Variants in DNAJB12 observed in about 807,000 individuals in gnomAD.
DNAJB12 encodes the protein DnaJ heat shock protein family (Hsp40) member B12.
A neutral mutation model predicts 40.6 loss-of-function variants in DNAJB12; 14 were observed. That is an observed-to-expected ratio of 0.34 (90% confidence interval 0.23 to 0.54). The LOEUF (loss-of-function observed/expected upper bound fraction) is 0.54, where lower values mean the gene tolerates loss of function less well. Ranked by LOEUF, DNAJB12 falls within the 20% of genes least tolerant of loss-of-function variation. The pLI, the probability that DNAJB12 is intolerant of heterozygous loss-of-function variation, is 0.92. For missense variants in DNAJB12, 444 were observed against 501.7 expected (o/e 0.89, Z 1.10); for synonymous variants, 181 against 199.5 (o/e 0.91, Z 0.78).
At chr10:72,346,961 G>GTT (rs1300875726) in intron 1 of DNAJB12, among the ~76,000 whole-genome samples, 12 of 142,254 alleles carry the variant, frequency 8.4e-5, no homozygotes, top group Non-Finnish European at 1.1e-4. Context: ...TTTACCATTG[G>GTT]TTTTTTTTTT....
intron 1 of DNAJB12, among the ~76,000 whole-genome samples, chr10:72,346,618 C>T (rs1042833297): frequency 5.9e-5 from 9 of 152,172 alleles, no homozygotes; most frequent in Admixed American, 5.2e-4. Context: ...AGCCACCGTG[C>T]CCGGCCTAAT....
chr10:72,353,536 T>G (rs987167863), intron 1 of DNAJB12: 5 of 152,268 alleles, frequency 3.3e-5, no homozygotes, highest in African/African-American at 1.2e-4. Flanking sequence ...CAATTTCATT[T>G]CTTTTCCTTC....
At position 72,334,523 on chromosome 10, in the gene DNAJB12, T is replaced by C. The variant is rs1486127889; in HGVS notation, c.*125A>G. ...TGCAGCGTTCGGCCTCCAATTCCATTTTAATTTTGTTTCTTTGTTTGTCTT... is the reference window on the plus strand; with the variant it reads ...TGCAGCGTTCGGCCTCCAATTCCATCTTAATTTTGTTTCTTTGTTTGTCTT... On this transcript the variant is annotated 3_prime_UTR_variant, in exon 9 of 9. Coordinates refer to ENST00000444643, the MANE Select transcript of DNAJB12 (RefSeq NM_017626.7). The C allele has an allele frequency of 3.4e-5, 52 of 1,522,508 alleles. No homozygotes were observed. Among genetic ancestry groups the C allele is most frequent in the African/African-American group, 4.1e-5 (3 of 72,780 alleles). The allele number at this position is 1,522,508 out of a possible 1,614,324, so 94.3% of individuals were successfully genotyped here. A position where few individuals can be genotyped will look rare whatever the true frequency, so the allele number is the denominator to read the frequency against.
chr10:72,335,560 G>A lies in DNAJB12; in HGVS notation c.*30+220C>T, dbSNP rs536255819. ...CACCCCTGGAGCCAGGGAGCAGAGC[G>A]GAGGAGTGGGGAGGACAGCATCGCT... On this transcript the variant is annotated intron_variant, in intron 8 of 8. Coordinates refer to ENST00000444643, the MANE Select transcript of DNAJB12 (RefSeq NM_017626.7). The surrounding 1 kb of genome is among the most constrained non-coding windows in gnomAD (Gnocchi z 4.4). 274 of 1,320,760 alleles carry A rather than the reference G, an allele frequency of 2.1e-4. 2 individuals are homozygous for A. The South Asian group carries it at 4.1e-3, about 20-fold the overall frequency. The allele number at this position is 1,320,760 out of a possible 1,614,324, so 81.8% of individuals were successfully genotyped here. A position where few individuals can be genotyped will look rare whatever the true frequency, so the allele number is the denominator to read the frequency against.
chr10:72,351,217 C>G (rs1431276718), intron 1 of DNAJB12, among the ~76,000 whole-genome samples: 1 of 152,202 alleles, frequency 6.6e-6, no homozygotes, highest in Non-Finnish European at 1.5e-5. Flanking sequence ...AGCTACTGGA[C>G]AGAAACTCCC....
intron 1 of DNAJB12, among the ~76,000 whole-genome samples, chr10:72,349,520 A>G (rs780056162): frequency 6.6e-6 from 1 of 152,204 alleles, no homozygotes; most frequent in Non-Finnish European, 1.5e-5. Flanking sequence ...AAGGCGGGGC[A>G]GGAGGAGGAG....
chr10:72,342,640 T>A (rs996403569), intron 3 of DNAJB12, among the ~76,000 whole-genome samples: 1 of 152,160 alleles, frequency 6.6e-6, no homozygotes, highest in Non-Finnish European at 1.5e-5. Context: ...TGGGGGCTAG[T>A]CACCATGCTA....
chr10:72,350,100 C>A (rs953513111), intron 1 of DNAJB12, among the ~76,000 whole-genome samples: 2 of 152,058 alleles, frequency 1.3e-5, no homozygotes, highest in Non-Finnish European at 2.9e-5. Context: ...AGCCACTGAA[C>A]CCAGACTAGA....
chr10:72,343,646 G>C (rs1861705039), intron 2 of DNAJB12, 135 bp from the exon 3 acceptor site: 1 of 922,458 alleles, frequency 1.1e-6, no homozygotes, highest in African/African-American at 1.7e-5. Context: ...CAGCTCCTTG[G>C]GTCAGCTGTG....
chr10:72,344,942 C>T lies in DNAJB12; in HGVS notation c.311+8G>A, dbSNP rs1211491459. 1.9e-6 allele frequency: 3 copies of T among 1,614,184 alleles called. No individual in the cohort carries two copies. The highest frequency in any genetic ancestry group is 3.3e-5 in the Admixed American group (2 of 60,034). On this transcript the variant is annotated splice_region_variant and intron_variant, in intron 2 of 8. Transcript: ENST00000444643. ...TCCCCAGGCTCCAGCCCCTGCCCAC[C>T]CATCTACCTTTTCACAGCTGCAACC...
chr10:72,336,447 C>T (rs912251165), intron 7 of DNAJB12, 77 bp downstream of exon 7: 45 of 1,450,980 alleles, frequency 3.1e-5, no homozygotes, highest in Non-Finnish European at 4.0e-5. Flanking sequence ...GTGAGCAGGG[C>T]TCTCTCCTTC....
rs1861484875 is a variant in DNAJB12 at position 72,336,632 on chromosome 10, T to C, written c.898A>G (p.Thr300Ala). 6.2e-7 allele frequency: 1 copy of C among 1,614,146 alleles called. No individual in the cohort carries two copies. The highest frequency in any genetic ancestry group is 2.2e-5 in the East Asian group (1 of 44,882). Residue 300 changes from threonine (T) to alanine (A), a missense_variant, in exon 7 of 9, where the codon ACT becomes GCT. By Grantham distance (58) the Thr-to-Ala change is moderately conservative. Coordinates refer to ENST00000444643, the MANE Select transcript of DNAJB12 (RefSeq NM_017626.7). ...GAGCCTGTGTACTCTTCGGAGAAAG[T>C]GTCTCCCACATAGTAGACGACACCC... ...HLGVVYYVGD[T>A]FSEEYTGSSL...
In DNAJB12 at chr10:72,340,731, C is replaced by G. The variant is rs1364642402; in HGVS notation, c.723+58G>C. 2.3e-5 allele frequency: 36 copies of G among 1,557,034 alleles called. No homozygotes were observed. The Admixed American group carries it at 4.0e-4, about 17-fold the overall frequency. On this transcript the variant is annotated intron_variant, in intron 5 of 8. Transcript: ENST00000444643. ...GAGGGAACACCCTCCTCCAAGCCCCCTCCCTGGGGTGGATTTGGTGCCCTT... is the reference window on the plus strand; with the variant it reads ...GAGGGAACACCCTCCTCCAAGCCCCGTCCCTGGGGTGGATTTGGTGCCCTT...
At chr10:72,346,604 T>C (rs1861794998) in intron 1 of DNAJB12, among the ~76,000 whole-genome samples, 1 of 151,446 alleles carries the variant, frequency 6.6e-6, no homozygotes, top group Non-Finnish European at 1.5e-5. Context: ...GGATTACAGG[T>C]GTGAGCCACC....
intron 8 of DNAJB12, 36 bp from the exon 9 acceptor site, chr10:72,334,653 C>T: frequency 6.6e-7 from 1 of 1,522,792 alleles, no homozygotes; most frequent in Non-Finnish European, 8.8e-7. Context: ...GCTCGGCATT[C>T]AGGCGGCACC....
intron 3 of DNAJB12, among the ~76,000 whole-genome samples, chr10:72,341,873 C>A (rs2131989193): frequency 6.6e-6 from 1 of 152,332 alleles, no homozygotes; most frequent in African/African-American, 2.4e-5. Context: ...TAATATGTTA[C>A]AGAGCTGGGA....
At chr10:72,346,357 G>C (rs997106159) in intron 1 of DNAJB12, among the ~76,000 whole-genome samples, 9 of 149,236 alleles carry the variant, frequency 6.0e-5, no homozygotes, top group African/African-American at 2.2e-4. Context: ...ACGGAGTCTT[G>C]CTCTGTTGCC....
rs1564826167 is a variant in DNAJB12 at position 72,354,898 on chromosome 10, G to A, written c.-1C>T. ...CAGCTTCATCCTTGTTGGATTCCAT[G>A]GCGGAACCAGAACGCGGAACCAGGG... is the stretch of plus-strand genomic sequence containing the variant. On this transcript the variant is annotated 5_prime_UTR_variant, in exon 1 of 9. Transcript: ENST00000444643. 7 of 1,613,984 alleles carry A rather than the reference G, an allele frequency of 4.3e-6. No individual in the cohort carries two copies. The South Asian group carries it at 7.7e-5, about 18-fold the overall frequency.
intron 3 of DNAJB12, among the ~76,000 whole-genome samples, chr10:72,341,537 C>T (rs149335800): frequency 8.3e-4 from 126 of 152,300 alleles, no homozygotes; most frequent in African/African-American, 2.7e-3. Context: ...GTGGAGCAAC[C>T]GTGGCTCACT....
Sources: allele counts gnomAD v4.1 joint callset (sites outside exome capture counted in the v4.1 genomes callset), GRCh38; gene constraint gnomAD v4.1.1; non-coding constraint Gnocchi (gnomAD v3.1); transcripts MANE v1.5; gene names NCBI Gene and HGNC (gene_info 2026-07-23, HGNC 2026-07-21).